Variants in MIS18A observed in about 807,000 individuals in gnomAD.
The protein encoded by MIS18A is protein Mis18-alpha.
Under a neutral mutation model 25.0 loss-of-function variants are expected in MIS18A, and 14 were observed. The ratio of observed to expected loss-of-function variants is 0.56; its 90% CI spans 0.37 to 0.88. The LOEUF is 0.88. MIS18A is among the 40% of genes least tolerant of loss of function. The probability of loss-of-function intolerance (pLI) is 0.00; values close to 1 mark genes in which losing one functional copy is unlikely to be tolerated. For synonymous variants in MIS18A, 134 were observed against 118.6 expected (o/e 1.13, Z -0.84); for missense variants, 292 against 290.8 (o/e 1.00, Z -0.03).
At chr21:32,246,706 C>G in the MIS18A span, among the ~76,000 whole-genome samples, 5 of 152,170 alleles carry the variant, frequency 3.3e-5, no homozygotes, top group Admixed American at 3.3e-4. Flanking sequence ...GGAGTCCTGA[C>G]AGACCCTTTC....
chr21:32,262,755 T>G, the MIS18A span, among the ~76,000 whole-genome samples: 1 of 152,250 alleles, frequency 6.6e-6, no homozygotes, highest in East Asian at 1.9e-4. Context: ...AGAGTTCATT[T>G]AATTTTGTTA....
chr21:32,269,288 T>C (rs2031670183), intron 4 of MIS18A, among the ~76,000 whole-genome samples, 171 bp from the exon 5 acceptor site: 1 of 152,208 alleles, frequency 6.6e-6, no homozygotes, highest in Non-Finnish European at 1.5e-5. Flanking sequence ...TTTTTAAAAA[T>C]AAAGCATAAT....
the MIS18A span, among the ~76,000 whole-genome samples, chr21:32,169,102 TAGTA>T: frequency 6.6e-6 from 1 of 152,148 alleles, no homozygotes; most frequent in Non-Finnish European, 1.5e-5. Flanking sequence ...AGCTGAATCT[TAGTA>T]AGGATAACAA....
the MIS18A span, among the ~76,000 whole-genome samples, chr21:32,223,634 T>C: frequency 6.6e-6 from 1 of 152,190 alleles, no homozygotes; most frequent in Non-Finnish European, 1.5e-5. Flanking sequence ...GAGGCAGTGA[T>C]TAATAGCTTA....
At chr21:32,275,619 T>C (rs377713726) in intron 1 of MIS18A, among the ~76,000 whole-genome samples, 33 of 152,008 alleles carry the variant, frequency 2.2e-4, no homozygotes, top group African/African-American at 7.5e-4. Context: ...GGGTAGAGGG[T>C]GAAGAGAAAT....
At chr21:32,183,709 T>C in the MIS18A span, among the ~76,000 whole-genome samples, 8 of 152,302 alleles carry the variant, frequency 5.3e-5, no homozygotes, top group South Asian at 1.2e-3. Flanking sequence ...AAAACAATAT[T>C]TGCAGATCCA....
chr21:32,235,086 C>T, the MIS18A span, among the ~76,000 whole-genome samples: 1 of 152,116 alleles, frequency 6.6e-6, no homozygotes, highest in Non-Finnish European at 1.5e-5. Flanking sequence ...ACACTCATTC[C>T]CTGAGCATGA....
chr21:32,274,268 G>A (rs947276095), intron 2 of MIS18A, among the ~76,000 whole-genome samples: 4 of 132,278 alleles, frequency 3.0e-5, no homozygotes, highest in East Asian at 2.3e-4. Flanking sequence ...GTGCACTGGC[G>A]ATCTTGGCTC....
At chr21:32,194,352 A>AG in the MIS18A span, among the ~76,000 whole-genome samples, 1 of 152,134 alleles carries the variant, frequency 6.6e-6, no homozygotes, top group Non-Finnish European at 1.5e-5. Flanking sequence ...ATATATATAT[A>AG]TAGTAGATAG....
chr21:32,240,358 CAT>C, the MIS18A span, among the ~76,000 whole-genome samples: 1 of 152,250 alleles, frequency 6.6e-6, no homozygotes, highest in Non-Finnish European at 1.5e-5. Flanking sequence ...CCTTCCGCCA[CAT>C]GAGTACCCAG....
the MIS18A span, among the ~76,000 whole-genome samples, chr21:32,256,521 A>G: frequency 6.6e-6 from 1 of 152,136 alleles, no homozygotes; most frequent in Non-Finnish European, 1.5e-5. Context: ...TTCCCGGGAC[A>G]ATTGACATCT....
the MIS18A span, among the ~76,000 whole-genome samples, chr21:32,215,718 G>T: frequency 1.3e-5 from 2 of 152,134 alleles, no homozygotes; most frequent in Non-Finnish European, 2.9e-5. Flanking sequence ...AGGATCAGGA[G>T]GAGCCTCCCT....
chr21:32,253,020 C>T, the MIS18A span, among the ~76,000 whole-genome samples: 1 of 152,180 alleles, frequency 6.6e-6, no homozygotes, highest in Non-Finnish European at 1.5e-5. Context: ...CCCTTGGGAC[C>T]TCTCCAGCTA....
the MIS18A span, among the ~76,000 whole-genome samples, chr21:32,166,029 C>G: frequency 0.058 from 8,859 of 152,136 alleles, 336 homozygotes; most frequent in Middle Eastern, 0.14. Context: ...GGTCTACAAA[C>G]CAGGTAGAGA....
the MIS18A span, among the ~76,000 whole-genome samples, chr21:32,214,601 C>T: frequency 1.3e-5 from 2 of 152,148 alleles, no homozygotes; most frequent in Non-Finnish European, 2.9e-5. Flanking sequence ...GCATAATTTC[C>T]ATTAAACTTT....
the MIS18A span, among the ~76,000 whole-genome samples, chr21:32,208,114 C>T: frequency 6.6e-6 from 1 of 152,204 alleles, no homozygotes; most frequent in African/African-American, 2.4e-5. Flanking sequence ...TCTCCTGCTT[C>T]CTCATCTGCC....
chr21:32,258,492 A>C, the MIS18A span, among the ~76,000 whole-genome samples: 1 of 152,292 alleles, frequency 6.6e-6, no homozygotes, highest in Non-Finnish European at 1.5e-5. Context: ...GGTTGTGAAC[A>C]GGCTGGACAC....
rs546815900 is a variant in MIS18A at position 32,268,960 on chromosome 21, G to A, written c.*77C>T. 1.6e-4 allele frequency: 149 copies of A among 936,286 alleles called. 1 individual carries two copies. The South Asian group carries it at 2.7e-3, about 17-fold the overall frequency. 58.0% of individuals were successfully genotyped at this position (936,286 alleles called of 1,614,324 possible). ...TTTTTCTTTTTTTTTTTGTAGAGAC[G>A]ACGTCTCACTATGTTGCTTCATTTA... On this transcript the variant is annotated 3_prime_UTR_variant, in exon 5 of 5. Transcript: ENST00000290130.
chr21:32,174,521 TTAAAA>T, the MIS18A span, among the ~76,000 whole-genome samples: 1 of 152,132 alleles, frequency 6.6e-6, no homozygotes, highest in Non-Finnish European at 1.5e-5. Flanking sequence ...ACCCCGGAAC[TTAAAA>T]TAAAAAGATG....
Sources: allele counts gnomAD v4.1 joint callset (sites outside exome capture counted in the v4.1 genomes callset), GRCh38; gene constraint gnomAD v4.1.1; transcripts MANE v1.5; gene names NCBI Gene and HGNC (gene_info 2026-07-23, HGNC 2026-07-21).